ADAMTSL1: variants seen among roughly 807,000 people sequenced by gnomAD.
ADAMTSL1 encodes the protein ADAMTS like 1.
A neutral mutation model predicts 201.8 loss-of-function variants in ADAMTSL1; 126 were observed. That is an observed-to-expected ratio of 0.62 (90% CI 0.54 to 0.72). The LOEUF is 0.72. ADAMTSL1 is among the 30% of genes least tolerant of loss of function. ADAMTSL1 has a pLI of 0.00. For synonymous variants in ADAMTSL1, 1,121 were observed against 903.4 expected (o/e 1.24, Z -4.32); for missense variants, 2,679 against 2,277.8 (o/e 1.18, Z -3.59).
chr9:18,897,700 C>G (rs879879336), intron 26 of ADAMTSL1, among the ~76,000 whole-genome samples: 13 of 152,174 alleles, frequency 8.5e-5, no homozygotes, highest in Admixed American at 1.3e-4. Flanking sequence ...AATCTCCATT[C>G]AAAGGTCAGC....
chr9:17,940,599 T>A (rs2131344775), intron 1 of ADAMTSL1, among the ~76,000 whole-genome samples: 1 of 151,932 alleles, frequency 6.6e-6, no homozygotes, highest in East Asian at 1.9e-4. Context: ...TGGAAGGCAT[T>A]TGGAAATGCA....
At chr9:18,068,449 T>G (rs549514801) in intron 1 of ADAMTSL1, among the ~76,000 whole-genome samples, 1 of 152,296 alleles carries the variant, frequency 6.6e-6, no homozygotes, top group East Asian at 1.9e-4. Context: ...GTAGGCCATA[T>G]GCAAATACTA....
At chr9:18,866,116 C>CAA (rs76778655) in intron 23 of ADAMTSL1, among the ~76,000 whole-genome samples, 6 of 78,570 alleles carry the variant, frequency 7.6e-5, no homozygotes, top group African/African-American at 2.2e-4. Flanking sequence ...CTTCAAAAAC[C>CAA]AAAAAAAAAA....
chr9:18,707,014 G>A lies in ADAMTSL1; in HGVS notation c.1842G>A (p.Glu614=). The A allele has an allele frequency of 6.2e-7, 1 of 1,613,908 alleles. No individual in the cohort carries two copies. Among genetic ancestry groups the A allele is most frequent in the Non-Finnish European group, 8.5e-7 (1 of 1,179,880 alleles). ...DFDELYDWEY[E]GFTKCSESCG... ...ACGAGCTGTATGACTGGGAGTATGA[G>A]GGGTTCACCAAGTGCTCCGAGTCCT... is the stretch of plus-strand genomic sequence containing the variant. Residue 614 remains glutamate, a synonymous_variant, in exon 14 of 29, where the codon GAG becomes GAA. Transcript: ENST00000380548.
At chr9:18,662,355 CCTT>C (rs1455154805) in intron 9 of ADAMTSL1, among the ~76,000 whole-genome samples, 1 of 152,232 alleles carries the variant, frequency 6.6e-6, no homozygotes, top group Non-Finnish European at 1.5e-5. Flanking sequence ...CATTCTGGTT[CCTT>C]GTTTCTTTCC....
intron 1 of ADAMTSL1, among the ~76,000 whole-genome samples, chr9:18,476,414 G>C (rs555309041): frequency 1.3e-5 from 2 of 152,260 alleles, no homozygotes; most frequent in Admixed American, 6.5e-5. Context: ...CAGTGGTGCA[G>C]GTTGGTCTGT....
At chr9:18,220,128 C>T (rs367975675) in intron 2 of ADAMTSL1, among the ~76,000 whole-genome samples, 9 of 152,218 alleles carry the variant, frequency 5.9e-5, no homozygotes, top group African/African-American at 9.6e-5. Flanking sequence ...TGTTTCATAT[C>T]ACTCAGTTTG....
chr9:17,976,535 G>T (rs1368163177), intron 1 of ADAMTSL1, among the ~76,000 whole-genome samples: 1 of 151,718 alleles, frequency 6.6e-6, no homozygotes, highest in East Asian at 1.9e-4. Context: ...TATTCTCGGA[G>T]AATTGGTTGT....
chr9:18,908,352 C>A lies in ADAMTSL1; in HGVS notation c.5183-90C>A, dbSNP rs559603556. ...AGGATGTACCCCAGTGGCTGAAACCCCCGGCTGCACCTCACACAGGCTGCG... is the reference window on the plus strand; with the variant it reads ...AGGATGTACCCCAGTGGCTGAAACCACCGGCTGCACCTCACACAGGCTGCG... On this transcript the variant is annotated intron_variant, in intron 28 of 28. Transcript: ENST00000380548. 9.7e-6 allele frequency: 11 copies of A among 1,135,798 alleles called. No individual in the cohort carries two copies. In the Admixed American group the frequency reaches 1.4e-4, roughly 14 times the overall value. The allele number at this position is 1,135,798 out of a possible 1,614,324, so 70.4% of individuals were successfully genotyped here.
At chr9:18,843,248 A>C (rs903229386) in intron 23 of ADAMTSL1, among the ~76,000 whole-genome samples, 2 of 150,722 alleles carry the variant, frequency 1.3e-5, no homozygotes, top group African/African-American at 5.0e-5. Flanking sequence ...AAAATCTCTC[A>C]GCATTTGCTT....
chr9:18,667,187 C>T (rs529842578), intron 9 of ADAMTSL1, among the ~76,000 whole-genome samples: 48 of 151,308 alleles, frequency 3.2e-4, no homozygotes, highest in African/African-American at 1.1e-3. Flanking sequence ...TACCCCCAAG[C>T]GGCAATTCTT....
intron 2 of ADAMTSL1, among the ~76,000 whole-genome samples, chr9:18,505,374 C>T (rs964588350): frequency 1.3e-5 from 2 of 152,152 alleles, no homozygotes; most frequent in African/African-American, 4.8e-5. Flanking sequence ...AAGTGAATAA[C>T]ATATTGGTTT....
At chr9:18,093,990 G>A (rs186045303) in intron 1 of ADAMTSL1, among the ~76,000 whole-genome samples, 12 of 152,202 alleles carry the variant, frequency 7.9e-5, no homozygotes, top group African/African-American at 9.6e-5. Context: ...GCTCCCAGGC[G>A]GAATTCTAGG....
intron 2 of ADAMTSL1, among the ~76,000 whole-genome samples, chr9:18,256,274 T>C (rs145652596): frequency 1.1e-3 from 162 of 152,204 alleles, no homozygotes; most frequent in Non-Finnish European, 1.8e-3. Flanking sequence ...GGCTGGGACG[T>C]TTGTCTAAGC....
chr9:17,928,987 C>T (rs759294680), intron 1 of ADAMTSL1, among the ~76,000 whole-genome samples: 8 of 151,982 alleles, frequency 5.3e-5, no homozygotes, highest in Admixed American at 6.6e-5. Flanking sequence ...TGTAGACTTC[C>T]TGAGTGCATG....
At chr9:18,006,517 G>A (rs1258809316) in intron 1 of ADAMTSL1, among the ~76,000 whole-genome samples, 1 of 151,918 alleles carries the variant, frequency 6.6e-6, no homozygotes. Context: ...CTGGAACTTG[G>A]AAGTTGTTGG....
chr9:18,856,460 ATT>A (rs398010404), intron 23 of ADAMTSL1, among the ~76,000 whole-genome samples: 11,426 of 111,512 alleles, frequency 0.1, 412 homozygotes, highest in Middle Eastern at 0.23. Flanking sequence ...GATAAGAAGG[ATT>A]TTTTTTTTTT....
At position 18,466,555 on chromosome 9, in the gene ADAMTSL1, G is replaced by T. The variant is rs918984889; in HGVS notation, c.208-38274G>T. On this transcript the variant is annotated intron_variant, in intron 2 of 29. Transcript: ENST00000680146. ...TATGAGGTAATGCATAAGTTAATTA[G>T]GTTAATTTAGCCATTCCATAATGTT... Among the ~76,000 whole-genome samples the T allele has an allele frequency of 2.6e-5, 4 of 151,954 alleles. No homozygotes were observed. The South Asian group carries it at 6.2e-4, about 24-fold the overall frequency.
chr9:18,782,673 A>T (rs1216406787), intron 19 of ADAMTSL1, among the ~76,000 whole-genome samples: 1 of 152,236 alleles, frequency 6.6e-6, no homozygotes, highest in Non-Finnish European at 1.5e-5. Context: ...GCAGAAAATT[A>T]AAACGGGTAT....
Sources: allele counts gnomAD v4.1 joint callset (sites outside exome capture counted in the v4.1 genomes callset), GRCh38; gene constraint gnomAD v4.1.1; transcripts MANE v1.5; gene names NCBI Gene and HGNC (gene_info 2026-07-23, HGNC 2026-07-21).